PCSK6: variants seen among roughly 807,000 people sequenced by gnomAD.
PCSK6 encodes paired basic amino acid cleaving enzyme 4.
Under a neutral mutation model 123.3 loss-of-function variants are expected in PCSK6, and 85 were observed. The observed-to-expected ratio is 0.69, with a 90% CI of 0.58 to 0.83. PCSK6 has a LOEUF of 0.83. PCSK6 is among the 40% of genes least tolerant of loss of function. The pLI, the probability that PCSK6 is intolerant of heterozygous loss-of-function variation, is 0.00. For missense variants in PCSK6, 1,191 were observed against 1,282.3 expected, an observed-to-expected ratio of 0.93 and a Z score of 1.09; for synonymous variants, 508 against 516.0, an observed-to-expected ratio of 0.98 and a Z score of 0.21.
At chr15:101,405,737 T>G (rs1370700072) in intron 6 of PCSK6, among the ~76,000 whole-genome samples, 3 of 151,698 alleles carry the variant, frequency 2.0e-5, no homozygotes, top group African/African-American at 7.3e-5. Flanking sequence ...TTTCCTCCAT[T>G]TCCCCTGCTT....
At position 101,393,755 on chromosome 15, in the gene PCSK6, G is replaced by A. The variant is rs75303115; in HGVS notation, c.997-331C>T. Among the ~76,000 whole-genome samples, 1,354 of 152,282 alleles carry A rather than the reference G, an allele frequency of 8.9e-3. 19 individuals carry two copies. Among genetic ancestry groups the A allele is most frequent in the African/African-American group, 0.03 (1,254 of 41,542 alleles). The stretch of plus-strand genomic sequence containing the variant: ...CAGAGCCATGCCTGTCATTTCCATC[G>A]CAATGGCCTAGGATCAAAGAGAGCT... On this transcript the variant is annotated intron_variant, in intron 7 of 21. Transcript: ENST00000611716.
chr15:101,468,312 C>T (rs774161034), intron 1 of PCSK6, among the ~76,000 whole-genome samples: 17 of 152,164 alleles, frequency 1.1e-4, no homozygotes. Flanking sequence ...ACAGCACCAG[C>T]CCTGGATGGT....
At chr15:101,383,107 GATAAGAAGTCA>G (rs2041954199) in intron 10 of PCSK6, among the ~76,000 whole-genome samples, 1 of 152,066 alleles carries the variant, frequency 6.6e-6, no homozygotes, top group Non-Finnish European at 1.5e-5. Flanking sequence ...CAGTATACCT[GATAAGAAGTCA>G]GGCAAACAGG....
intron 1 of PCSK6, among the ~76,000 whole-genome samples, chr15:101,464,211 T>A (rs537396392): frequency 1.3e-5 from 2 of 152,090 alleles, no homozygotes; most frequent in African/African-American, 4.8e-5. Flanking sequence ...CTCACCCACA[T>A]CCTGCGCCAC....
intron 1 of PCSK6, among the ~76,000 whole-genome samples, chr15:101,445,683 GCT>G (rs2056870434): frequency 3.9e-5 from 6 of 152,334 alleles, no homozygotes; most frequent in African/African-American, 1.2e-4. Flanking sequence ...CAACATGTTT[GCT>G]CATAAGCTGC....
intron 13 of PCSK6, among the ~76,000 whole-genome samples, chr15:101,350,018 C>T (rs1422818880): frequency 6.6e-6 from 1 of 152,106 alleles, no homozygotes. Flanking sequence ...AAGCAATTCT[C>T]CTGCCTCAGC....
chr15:101,446,395 CTATT>C (rs2141161494), intron 1 of PCSK6, among the ~76,000 whole-genome samples: 1 of 152,390 alleles, frequency 6.6e-6, no homozygotes, highest in Admixed American at 6.5e-5. Context: ...ATTCATTCAT[CTATT>C]TATGGACACG....
Position 101,305,004 on chromosome 15 carries a change from T to C in PCSK6, c.*254A>G. 2.1e-6 allele frequency: 1 copy of C among 476,180 alleles called. No individual in the cohort carries two copies. The highest frequency in any genetic ancestry group is 3.8e-6 in the Non-Finnish European group (1 of 265,930). The allele number at this position is 476,180 out of a possible 1,614,324, so 29.5% of individuals were successfully genotyped here. On this transcript the variant is annotated 3_prime_UTR_variant, in exon 22 of 22. Coordinates refer to ENST00000611716, the MANE Select transcript of PCSK6 (RefSeq NM_002570.5). This position sits in a 1 kb window ranked among gnomAD's most constrained non-coding sequence, Gnocchi z 4.8. ...AAGCCAGAGCTGTGGATTCCCAGAA[T>C]TCATTTTGTTCCTGTTAGTTTGTCG...
rs1303925167 is a variant in PCSK6, at chr15:101,467,825, T to C, written c.297+21549A>G. Among the ~76,000 whole-genome samples the C allele has an allele frequency of 7.2e-5, 11 of 152,066 alleles. No individual in the cohort carries two copies. In the East Asian group the frequency reaches 1.9e-3, roughly 27 times the overall value. On this transcript the variant is annotated intron_variant, in intron 1 of 21. Transcript: ENST00000611716. ...CTCAAAACCAAAGCTAAGCAACACGTTGTCTAAGCACATCTACGCCGGAGA... is the reference window on the plus strand; with the variant it reads ...CTCAAAACCAAAGCTAAGCAACACGCTGTCTAAGCACATCTACGCCGGAGA...
chr15:101,437,944 TTAATATGAGGTCA>T (rs2056648534), intron 2 of PCSK6, among the ~76,000 whole-genome samples: 1 of 151,944 alleles, frequency 6.6e-6, no homozygotes. Flanking sequence ...GGTAGTTACG[TTAATATGAGGTCA>T]TGATGCGGGG....
At chr15:101,402,897 T>C (rs2042635373) in intron 6 of PCSK6, among the ~76,000 whole-genome samples, 1 of 152,072 alleles carries the variant, frequency 6.6e-6, no homozygotes, top group Non-Finnish European at 1.5e-5. Context: ...GAAATACCAT[T>C]TGACCCAGCC....
At chr15:101,306,884 G>A (rs2039734471) in intron 21 of PCSK6, among the ~76,000 whole-genome samples, 1 of 152,204 alleles carries the variant, frequency 6.6e-6, no homozygotes, top group African/African-American at 2.4e-5. Flanking sequence ...TTTATGGTAT[G>A]TCGTCACATC....
intron 1 of PCSK6, among the ~76,000 whole-genome samples, chr15:101,484,226 G>A (rs949568752): frequency 6.6e-6 from 1 of 152,086 alleles, no homozygotes. Flanking sequence ...GCAGTACACT[G>A]CAGATAAAGT....
At chr15:101,372,868 C>T (rs1384094207) in intron 11 of PCSK6, among the ~76,000 whole-genome samples, 1 of 152,170 alleles carries the variant, frequency 6.6e-6, no homozygotes, top group Admixed American at 6.5e-5. Flanking sequence ...GTTGAAGACA[C>T]GGTCCCCACA....
At chr15:101,370,165 C>T (rs1056499440) in intron 12 of PCSK6, among the ~76,000 whole-genome samples, 170 bp downstream of exon 12, 1 of 152,176 alleles carries the variant, frequency 6.6e-6, no homozygotes, top group African/African-American at 2.4e-5. Context: ...GTTTTTGGGG[C>T]CTACATGCAA....
rs141739077 is a variant in PCSK6 at position 101,350,598 on chromosome 15, A to G, written c.1858+15598T>C. Among the ~76,000 whole-genome samples, 712 of 152,378 alleles carry G rather than the reference A, an allele frequency of 4.7e-3. 5 individuals carry two copies. The highest frequency in any genetic ancestry group is 0.016 in the African/African-American group (665 of 41,586). On this transcript the variant is annotated intron_variant, in intron 13 of 21. Coordinates refer to ENST00000611716, the MANE Select transcript of PCSK6 (RefSeq NM_002570.5). ...TTAAACAGCAGTTAAACCAATGGCA[A>G]TTAGACCGGGGGGCCTCTGAGCCGG...
chr15:101,384,043 A>T lies in PCSK6; in HGVS notation c.1414+279T>A. 3 of 894,204 alleles carry T rather than the reference A, an allele frequency of 3.4e-6. No individual in the cohort carries two copies. The African/African-American group carries it at 5.4e-5, about 16-fold the overall frequency. 55.4% of individuals were successfully genotyped at this position (894,204 alleles called of 1,614,324 possible). Reference sequence around the variant, plus strand: ...CGTCATTGCTCCTGGCTTAAAGAGAACTATGAGTAAATATTGGTATAGGTG... The same window carrying T: ...CGTCATTGCTCCTGGCTTAAAGAGATCTATGAGTAAATATTGGTATAGGTG... On this transcript the variant is annotated intron_variant, in intron 10 of 21. Transcript: ENST00000611716.
intron 9 of PCSK6, among the ~76,000 whole-genome samples, chr15:101,384,702 A>G (rs575309701): frequency 6.6e-6 from 1 of 152,376 alleles, no homozygotes; most frequent in South Asian, 2.1e-4. Flanking sequence ...GAGTTTGCCC[A>G]GAGCCATATG....
At chr15:101,476,817 A>AT (rs1379054822) in intron 1 of PCSK6, among the ~76,000 whole-genome samples, 15 of 152,176 alleles carry the variant, frequency 9.9e-5, no homozygotes, top group Non-Finnish European at 1.8e-4. Context: ...GCAATGTATA[A>AT]TTTTTTAAAT....
Sources: allele counts gnomAD v4.1 joint callset (sites outside exome capture counted in the v4.1 genomes callset), GRCh38; gene constraint gnomAD v4.1.1; non-coding constraint Gnocchi (gnomAD v3.1); transcripts MANE v1.5; gene names NCBI Gene and HGNC (gene_info 2026-07-23, HGNC 2026-07-21).